Variants in GNG7 observed in about 807,000 individuals in gnomAD.
GNG7 encodes G protein subunit gamma 7.
In GNG7, 1 loss-of-function variant was observed where a neutral mutation model predicts 4.0. The observed-to-expected ratio is 0.25, with a 90% CI of 0.09 to 1.18. The LOEUF is 1.18. Ranked by LOEUF, GNG7 falls within the 50% of genes most tolerant of loss-of-function variation. The pLI, the probability that GNG7 is intolerant of heterozygous loss-of-function variation, is 0.50. For synonymous variants in GNG7, 34 were observed against 36.9 expected, an observed-to-expected ratio of 0.92 and a Z score of 0.29; for missense variants, 86 against 91.9, an observed-to-expected ratio of 0.94 and a Z score of 0.26.
chr19:2,528,525 A>T (rs950339979), intron 3 of GNG7, among the ~76,000 whole-genome samples: 15 of 150,728 alleles, frequency 1.0e-4, no homozygotes, highest in Non-Finnish European at 2.1e-4. Flanking sequence ...AAAAGTAAAT[A>T]CAGGGGTGTT....
intron 2 of GNG7, among the ~76,000 whole-genome samples, chr19:2,600,664 C>T (rs572531648): frequency 6.6e-6 from 1 of 151,670 alleles, no homozygotes; most frequent in East Asian, 1.9e-4. Flanking sequence ...TTAGTAGAGA[C>T]AGGGTTTCAC....
intron 2 of GNG7, among the ~76,000 whole-genome samples, chr19:2,573,196 T>C (rs1333087100): frequency 6.6e-6 from 1 of 150,628 alleles, no homozygotes; most frequent in Non-Finnish European, 1.5e-5. Flanking sequence ...TAATTTTTTG[T>C]ATTTTTAGTA....
intron 3 of GNG7, among the ~76,000 whole-genome samples, chr19:2,525,125 A>G (rs1209558512): frequency 6.6e-6 from 1 of 151,696 alleles, no homozygotes; most frequent in African/African-American, 2.4e-5. Flanking sequence ...GCCCCTCCCA[A>G]CTGCCTCCCT....
intron 1 of GNG7, among the ~76,000 whole-genome samples, chr19:2,677,055 C>A (rs1038664626): frequency 6.6e-6 from 1 of 152,174 alleles, no homozygotes; most frequent in Non-Finnish European, 1.5e-5. Context: ...TTACTGCAGA[C>A]CCAAATCTGT....
chr19:2,541,229 G>A (rs570542592), intron 3 of GNG7, among the ~76,000 whole-genome samples: 2 of 152,318 alleles, frequency 1.3e-5, no homozygotes, highest in East Asian at 3.9e-4. Flanking sequence ...CCAGCACTTT[G>A]GGAGGCTGAG....
intron 2 of GNG7, among the ~76,000 whole-genome samples, chr19:2,585,771 G>C (rs1226524596): frequency 6.6e-6 from 1 of 152,172 alleles, no homozygotes; most frequent in African/African-American, 2.4e-5. Flanking sequence ...CGCGATCTCG[G>C]CTCACTGTAA....
chr19:2,553,133 A>AG (rs1232388948), intron 3 of GNG7, among the ~76,000 whole-genome samples: 1 of 151,346 alleles, frequency 6.6e-6, no homozygotes, highest in South Asian at 2.1e-4. Context: ...ACCAAAAAAA[A>AG]AAAAAAAAAG....
chr19:2,593,570 C>T (rs138507400), intron 2 of GNG7, among the ~76,000 whole-genome samples: 1 of 151,838 alleles, frequency 6.6e-6, no homozygotes, highest in Non-Finnish European at 1.5e-5. Flanking sequence ...AAGGCGAAAC[C>T]TCGTCTCTAC....
intron 2 of GNG7, among the ~76,000 whole-genome samples, chr19:2,564,387 C>G (rs1465742409): frequency 1.3e-5 from 2 of 152,020 alleles, no homozygotes; most frequent in African/African-American, 4.8e-5. Context: ...TCGAGACCAG[C>G]CTGGCCAACG....
Position 2,614,309 on chromosome 19 carries a change from A to G in GNG7, c.-78+31915T>C, listed in dbSNP as rs140308045. 6.6e-6 allele frequency among the ~76,000 whole-genome samples: 1 copy of G among 152,340 alleles called. No individual in the cohort carries two copies. The highest frequency in any genetic ancestry group is 1.9e-4 in the East Asian group (1 of 5,184). On this transcript the variant is annotated intron_variant, in intron 2 of 4. Coordinates refer to ENST00000382159, the MANE Select transcript of GNG7 (RefSeq NM_052847.3). This position sits in a 1 kb window ranked among gnomAD's most constrained non-coding sequence, Gnocchi z 6.0. ...GCCCTGCACGTCGGGTCTCAGGCAC[A>G]TGTGTGGTGAAATGCACACAACAAA...
intron 2 of GNG7, among the ~76,000 whole-genome samples, chr19:2,629,477 G>A (rs1292559183): frequency 6.6e-6 from 1 of 152,102 alleles, no homozygotes; most frequent in Admixed American, 6.5e-5. Context: ...ACACGAATAG[G>A]AGGTGCTTCT....
intron 1 of GNG7, among the ~76,000 whole-genome samples, chr19:2,686,458 T>C (rs548502876): frequency 7.3e-5 from 11 of 151,382 alleles, no homozygotes; most frequent in African/African-American, 2.7e-4. Context: ...GTACCCGGCC[T>C]CCCCCCTCCT....
At chr19:2,661,341 A>AAAGAAAGAAAGGAAGG (rs1568277875) in intron 1 of GNG7, among the ~76,000 whole-genome samples, 1 of 148,980 alleles carries the variant, frequency 6.7e-6, no homozygotes, top group African/African-American at 2.5e-5. Context: ...AGAAAGAAAG[A>AAAGAAAGAAAGGAAGG]AAGAAAGAAA....
chr19:2,597,756 C>T (rs1444886238), intron 2 of GNG7, among the ~76,000 whole-genome samples: 5 of 150,922 alleles, frequency 3.3e-5, no homozygotes, highest in South Asian at 2.1e-4. Context: ...ATTAGCCAGG[C>T]GTGGTGGCGG....
Position 2,659,009 on chromosome 19 carries a change from A to G in GNG7, c.-134-12729T>C, listed in dbSNP as rs968083868. On this transcript the variant is annotated intron_variant, in intron 1 of 4. Transcript: ENST00000382159. The stretch of plus-strand genomic sequence containing the variant: ...TTTTGAAATGGAGTCTCGCTCTGTC[A>G]CCCAGGCTGGAGGGCAGTGGCACAA... Among the ~76,000 whole-genome samples, 109 of 149,122 alleles carry G rather than the reference A, an allele frequency of 7.3e-4. 1 individual carries two copies. The highest frequency in any genetic ancestry group is 2.4e-3 in the African/African-American group (97 of 40,262).
intron 3 of GNG7, among the ~76,000 whole-genome samples, chr19:2,524,046 A>T (rs568503492): frequency 1.3e-5 from 2 of 152,128 alleles, no homozygotes; most frequent in Non-Finnish European, 2.9e-5. Flanking sequence ...AAATACCTAA[A>T]TTACTCAGTG....
chr19:2,590,485 TCATCCATCCATC>T (rs755259874), intron 2 of GNG7, among the ~76,000 whole-genome samples: 6 of 131,894 alleles, frequency 4.5e-5, no homozygotes, highest in African/African-American at 1.7e-4. Context: ...ACCCATCTGT[TCATCCATCCATC>T]CATCCATCCA....
chr19:2,609,331 TG>T lies in GNG7; in HGVS notation c.-78+36892del, dbSNP rs1020844525. Among the ~76,000 whole-genome samples, 2 of 152,128 alleles carry T rather than the reference TG, an allele frequency of 1.3e-5. No individual in the cohort carries two copies. Among genetic ancestry groups the T allele is most frequent in the African/African-American group, 4.8e-5 (2 of 41,440 alleles). On this transcript the variant is annotated intron_variant, in intron 2 of 4. Transcript: ENST00000382159. The surrounding 1 kb of genome is among the most constrained non-coding windows in gnomAD (Gnocchi z 4.4). The stretch of plus-strand genomic sequence containing the variant: ...CGTACCACCCCACCCAGCTAATTTT[TG>T]TTTTACACTAAAGTGTTATTTCATC...
rs1007526229 is a variant in GNG7 at position 2,618,800 on chromosome 19, C to A, written c.-78+27424G>T. Among the ~76,000 whole-genome samples, 1 of 152,130 alleles carries A rather than the reference C, an allele frequency of 6.6e-6. No individual in the cohort carries two copies. Among genetic ancestry groups the A allele is most frequent in the Non-Finnish European group, 1.5e-5 (1 of 68,026 alleles). ...CAGGGCATTGCTCACAGCTGGGGAACGCTGGCACCTTCCTAGTAACCAAAT... is the reference window on the plus strand; with the variant it reads ...CAGGGCATTGCTCACAGCTGGGGAAAGCTGGCACCTTCCTAGTAACCAAAT... On this transcript the variant is annotated intron_variant, in intron 2 of 4. Coordinates refer to ENST00000382159, the MANE Select transcript of GNG7 (RefSeq NM_052847.3). The surrounding 1 kb of genome is among the most constrained non-coding windows in gnomAD (Gnocchi z 5.1).
Sources: gnomAD v4.1 joint callset for allele counts (sites outside exome capture counted in the v4.1 genomes callset) on GRCh38, gnomAD v4.1.1 for gene constraint, Gnocchi (gnomAD v3.1) non-coding constraint, MANE v1.5 for transcripts, NCBI Gene and HGNC (gene_info 2026-07-23, HGNC 2026-07-21) for gene names.